BIRC6: variants seen among roughly 807,000 people sequenced by gnomAD.
BIRC6 encodes baculoviral IAP repeat containing 6, also known as dual E2 ubiquitin-conjugating enzyme/E3 ubiquitin-protein ligase BIRC6.
BIRC6 carries 98 observed loss-of-function variants against 503.3 expected under a neutral mutation model. That is an observed-to-expected ratio of 0.19 (90% CI 0.17 to 0.23). The LOEUF (loss-of-function observed/expected upper bound fraction) is 0.23, where lower values mean the gene tolerates loss of function less well. Ranked by LOEUF, BIRC6 falls within the 10% of genes least tolerant of loss-of-function variation. The pLI, the probability that BIRC6 is intolerant of heterozygous loss-of-function variation, is 1.00. For synonymous variants in BIRC6, 2,240 were observed against 2,078.7 expected, an observed-to-expected ratio of 1.08 and a Z score of -2.11; for missense variants, 5,360 against 5,806.0, an observed-to-expected ratio of 0.92 and a Z score of 2.50.
At position 32,467,621 on chromosome 2, in the gene BIRC6, A is replaced by C; in HGVS notation, c.5453A>C (p.Asp1818Ala). ...TCGDLASLSI[D>A]IWTLGEEVDG... ...GGAGACTTGGCCTCTTTGTCAATTG[A>C]CATTTGGACATTAGGAGAAGAGGTG... is the stretch of plus-strand genomic sequence containing the variant. The change falls in exon 27 of 74, where the codon GAC becomes GCC. Residue 1818 changes from aspartate to alanine, a missense_variant. Around this residue, in one of 16 missense-constraint regions of BIRC6, gnomAD observed 2,299 missense variants for 2,267.2 expected, o/e 1.01. Coordinates refer to ENST00000421745, the MANE Select transcript of BIRC6 (RefSeq NM_016252.4). 1 of 1,613,916 alleles carries C rather than the reference A, an allele frequency of 6.2e-7. No individual in the cohort carries two copies. Among genetic ancestry groups the C allele is most frequent in the Non-Finnish European group, 8.5e-7 (1 of 1,179,874 alleles).
In BIRC6 at chr2:32,617,721, A is replaced by C; in HGVS notation, c.14395-4A>C. On this transcript the variant is annotated splice_region_variant and splice_polypyrimidine_tract_variant and intron_variant, in intron 73 of 73. Coordinates refer to ENST00000421745, the MANE Select transcript of BIRC6 (RefSeq NM_016252.4). ...TCTAACATTAGTCCTTTTCTCCTGCATAGCGTCACACTGCTCAGCTCCGCG... is the reference window on the plus strand; with the variant it reads ...TCTAACATTAGTCCTTTTCTCCTGCCTAGCGTCACACTGCTCAGCTCCGCG... 1 of 1,612,826 alleles carries C rather than the reference A, an allele frequency of 6.2e-7. No homozygotes were observed. The highest frequency in any genetic ancestry group is 1.1e-5 in the South Asian group (1 of 91,000).
intron 62 of BIRC6, 48 bp downstream of exon 62, chr2:32,543,589 G>A (rs374906728): frequency 5.6e-5 from 87 of 1,547,948 alleles, no homozygotes; most frequent in Non-Finnish European, 7.4e-5. Flanking sequence ...AATAGGTTGT[G>A]TAAAGGTATC....
At position 32,491,405 on chromosome 2, in the gene BIRC6, T is replaced by G. The variant is rs1213102330; in HGVS notation, c.8207-20T>G. The G allele has an allele frequency of 6.3e-7, 1 of 1,588,860 alleles. No individual in the cohort carries two copies. Among genetic ancestry groups the G allele is most frequent in the Non-Finnish European group, 8.5e-7 (1 of 1,170,598 alleles). On this transcript the variant is annotated intron_variant, in intron 43 of 73. Transcript: ENST00000421745. ...TTTCATGGTCCATTTCTTAAGAGGT[T>G]TTTAAAAAATGTTTTATAGCTGGTT...
chr2:32,406,115 G>T (rs2041182995), intron 8 of BIRC6, among the ~76,000 whole-genome samples: 2 of 152,178 alleles, frequency 1.3e-5, no homozygotes, highest in Admixed American at 1.3e-4. Flanking sequence ...TTTCAGGCCA[G>T]GCATAGTGGC....
At position 32,508,171 on chromosome 2, in the gene BIRC6, T is replaced by G. The variant is rs146766269; in HGVS notation, c.9892T>G (p.Leu3298Val). 2 of 1,613,752 alleles carry G rather than the reference T, an allele frequency of 1.2e-6. No individual in the cohort carries two copies. Among genetic ancestry groups the G allele is most frequent in the South Asian group, 2.2e-5 (2 of 91,064 alleles). ...ASTLGLSQIK[L>V]LGLTAFGTTS... is the part of the protein sequence containing the mutation. ...CACATTAGGCCTTTCACAAATTAAA[T>G]TATTGGGGCTCACTGCTTTTGGTAC... Residue 3298 changes from leucine (L) to valine (V), a missense_variant, in exon 51 of 74, where the codon TTA becomes GTA. Leu to Val is a conservative substitution (Grantham distance 32, BLOSUM62 1). This residue lies in a region of BIRC6 where 62 missense variants were observed against 107.4 expected (regional missense o/e 0.58). Transcript: ENST00000421745.
At chr2:32,456,590 G>A (rs2047289142) in intron 23 of BIRC6, among the ~76,000 whole-genome samples, 1 of 152,168 alleles carries the variant, frequency 6.6e-6, no homozygotes, top group African/African-American at 2.4e-5. Flanking sequence ...TTTAAATACT[G>A]TGGAGTCAAA....
In BIRC6 at chr2:32,464,400, A is replaced by G. The variant is rs552563534; in HGVS notation, c.4942-109A>G. 8.4e-5 allele frequency: 107 copies of G among 1,276,214 alleles called. No homozygotes were observed. The South Asian group carries it at 1.4e-3, about 16-fold the overall frequency. The allele number at this position is 1,276,214 out of a possible 1,614,324, so 79.1% of individuals were successfully genotyped here. A position where few individuals can be genotyped will look rare whatever the true frequency, so the allele number is the denominator to read the frequency against. Reference sequence around the variant, plus strand: ...TTTTGATTTAATTTCATCTTTAAGTATGATCAATTTAATCATGTTTATCTT... The same window carrying G: ...TTTTGATTTAATTTCATCTTTAAGTGTGATCAATTTAATCATGTTTATCTT... On this transcript the variant is annotated intron_variant, in intron 24 of 73. Coordinates refer to ENST00000421745, the MANE Select transcript of BIRC6 (RefSeq NM_016252.4).
chr2:32,536,505 A>T (rs1226886903), intron 61 of BIRC6, among the ~76,000 whole-genome samples: 1 of 152,252 alleles, frequency 6.6e-6, no homozygotes, highest in Non-Finnish European at 1.5e-5. Context: ...GAAGGCATCC[A>T]GTTTCAGCTT....
intron 22 of BIRC6, among the ~76,000 whole-genome samples, chr2:32,451,424 C>CT: frequency 6.6e-6 from 1 of 152,142 alleles, no homozygotes; most frequent in South Asian, 2.1e-4. Flanking sequence ...TGTTATTTGT[C>CT]TTTTTGATTT....
intron 57 of BIRC6, among the ~76,000 whole-genome samples, chr2:32,521,365 CAAAAAAAAA>C (rs35410265): frequency 5.1e-4 from 11 of 21,506 alleles, no homozygotes; most frequent in Non-Finnish European, 7.3e-4. Context: ...GACCTCATCT[CAAAAAAAAA>C]AAAAAAAAAA....
chr2:32,431,016 T>C lies in BIRC6; in HGVS notation c.3174T>C (p.His1058=), dbSNP rs2044038076. 6.2e-7 allele frequency: 1 copy of C among 1,613,342 alleles called. No homozygotes were observed. Among genetic ancestry groups the C allele is most frequent in the Middle Eastern group, 1.6e-4 (1 of 6,062 alleles). The change falls in exon 12 of 74, where the codon CAT becomes CAC. Residue 1058 remains histidine, a synonymous_variant. Transcript: ENST00000421745. ...AACAAGAACAGCAGCAAAGGAGGCA[T>C]CCTCAACATTTGCATCAGCAACACC... The part of the protein sequence containing the change: ...EVQQEQQQRR[H]PQHLHQQHHG...
Position 32,485,837 on chromosome 2 carries a change from A to G in BIRC6, c.7813+78A>G, listed in dbSNP as rs186110749. 20 of 974,628 alleles carry G rather than the reference A, an allele frequency of 2.1e-5. No individual in the cohort carries two copies. The East Asian group carries it at 4.8e-4, about 23-fold the overall frequency. 60.4% of individuals were successfully genotyped at this position (974,628 alleles called of 1,614,324 possible). ...TCATTTTCAGGTGGATTCATCAAGG[A>G]CAGATTTTTAAATTCCATGATGTGA... On this transcript the variant is annotated intron_variant, in intron 40 of 73. Transcript: ENST00000421745.
In BIRC6 at chr2:32,531,378, T is replaced by C. The variant is rs372601159; in HGVS notation, c.12118T>C (p.Cys4040Arg). Residue 4040 changes from cysteine to arginine, a missense_variant, in exon 61 of 74, where the codon TGT becomes CGT. Around this residue, in one of 16 missense-constraint regions of BIRC6, gnomAD observed 878 missense variants for 928.9 expected, o/e 0.95. Transcript: ENST00000421745. ...EKDHGDLLAS[C>R]PEDEALTPGD... ...AGATCATGGAGACTTACTTGCTAGC[T>C]GTCCAGAAGATGAGGCTCTCACTCC... 1.2e-6 allele frequency: 2 copies of C among 1,612,252 alleles called. No individual in the cohort carries two copies. The highest frequency in any genetic ancestry group is 1.7e-6 in the Non-Finnish European group (2 of 1,178,954).
intron 40 of BIRC6, among the ~76,000 whole-genome samples, chr2:32,486,054 A>G (rs1285444049): frequency 6.6e-6 from 1 of 152,218 alleles, no homozygotes; most frequent in Non-Finnish European, 1.5e-5. Flanking sequence ...TTCCTACAGA[A>G]GCCTTCATAC....
chr2:32,599,995 A>G lies in BIRC6; in HGVS notation c.13992+95A>G, dbSNP rs1573299959. On this transcript the variant is annotated intron_variant, in intron 70 of 73. Coordinates refer to ENST00000421745, the MANE Select transcript of BIRC6 (RefSeq NM_016252.4). The stretch of plus-strand genomic sequence containing the variant: ...AAAATTTTGTTTTAGTTATCTGCTA[A>G]GAGGGCATGGGTTTCTTTGTACTTC... 12 of 1,192,352 alleles carry G rather than the reference A, an allele frequency of 1.0e-5. No individual in the cohort carries two copies. The East Asian group carries it at 3.1e-4, about 30-fold the overall frequency. 73.9% of individuals were successfully genotyped at this position (1,192,352 alleles called of 1,614,324 possible).
chr2:32,361,805 T>G (rs899830571), intron 1 of BIRC6, among the ~76,000 whole-genome samples: 1 of 152,234 alleles, frequency 6.6e-6, no homozygotes, highest in Non-Finnish European at 1.5e-5. Flanking sequence ...TGTAGACTTT[T>G]CAGGTTGCCT....
chr2:32,369,958 A>G (rs2035627322), intron 1 of BIRC6, among the ~76,000 whole-genome samples: 1 of 71,058 alleles, frequency 1.4e-5, no homozygotes, highest in Non-Finnish European at 2.7e-5. Flanking sequence ...ATATATATAT[A>G]TATATATATA....
chr2:32,460,224 CATATG>C (rs1317355135), intron 23 of BIRC6, among the ~76,000 whole-genome samples: 2 of 100,666 alleles, frequency 2.0e-5, no homozygotes, highest in South Asian at 3.4e-4. Flanking sequence ...ATATATATCT[CATATG>C]ATATATCTCG....
rs1016531513 is a variant in BIRC6, at chr2:32,357,111, G to A, written c.-51G>A. On this transcript the variant is annotated 5_prime_UTR_variant, in exon 1 of 74. Transcript: ENST00000421745. The surrounding 1 kb of genome is among the most constrained non-coding windows in gnomAD (Gnocchi z 4.9). ...CGATCGACGTTCCGCGTGCGTGCGG[G>A]CGCCTGACTTCACTTCCGGCTAACG... The A allele has an allele frequency of 1.4e-6, 2 of 1,399,990 alleles. No homozygotes were observed. Among genetic ancestry groups the A allele is most frequent in the Non-Finnish European group, 9.3e-7 (1 of 1,077,074 alleles). The allele number at this position is 1,399,990 out of a possible 1,614,324, so 86.7% of individuals were successfully genotyped here. A position where few individuals can be genotyped will look rare whatever the true frequency, so the allele number is the denominator to read the frequency against.
Sources: gnomAD v4.1 joint callset for allele counts (sites outside exome capture counted in the v4.1 genomes callset) on GRCh38, gnomAD v4.1.1 for gene constraint, gnomAD v4.1.1 regional missense constraint, Gnocchi (gnomAD v3.1) non-coding constraint, MANE v1.5 for transcripts, NCBI Gene and HGNC (gene_info 2026-07-23, HGNC 2026-07-21) for gene names.